NOX4: variants seen among roughly 807,000 people sequenced by gnomAD.
NOX4 encodes kidney oxidase-1.
NOX4 carries 69 observed loss-of-function variants against 87.6 expected under a neutral mutation model. That is an observed-to-expected ratio of 0.79 (90% CI 0.65 to 0.96). The LOEUF (loss-of-function observed/expected upper bound fraction) is 0.96. Ranked by LOEUF, NOX4 falls within the 40% of genes least tolerant of loss-of-function variation. The pLI is 0.00. For synonymous variants in NOX4, 275 were observed against 238.2 expected (o/e 1.15, Z -1.42); for missense variants, 680 against 681.5 (o/e 1.00, Z 0.02).
At chr11:89,505,412 A>T in the NOX4 span, among the ~76,000 whole-genome samples, 1 of 151,872 alleles carries the variant, frequency 6.6e-6, no homozygotes, top group African/African-American at 2.4e-5. Flanking sequence ...TGCAAAAGTT[A>T]TTGCAGTTTT....
intron 2 of NOX4, among the ~76,000 whole-genome samples, chr11:89,472,680 C>A (rs1281600146): frequency 1.3e-5 from 2 of 152,100 alleles, no homozygotes; most frequent in Admixed American, 6.6e-5. Context: ...ATATTTTTGT[C>A]CCAATTTTGT....
intron 11 of NOX4, among the ~76,000 whole-genome samples, chr11:89,388,959 C>A (rs1257620786): frequency 6.6e-6 from 1 of 152,236 alleles, no homozygotes; most frequent in East Asian, 1.9e-4. Context: ...TCATTAACTG[C>A]ACTTTTATAA....
In NOX4 at chr11:89,365,768, A is replaced by C. The variant is rs557290671; in HGVS notation, c.1135+7664T>G. Among the ~76,000 whole-genome samples, 484 of 151,352 alleles carry C rather than the reference A, an allele frequency of 3.2e-3. 14 individuals are homozygous for C. The highest frequency in any genetic ancestry group is 0.021 in the Admixed American group (323 of 15,118). ...ACCACGCCCACAAAAAAAAAAAAAA[A>C]AAAAAAAACAGGAGATTTTCTTTTA... is the stretch of plus-strand genomic sequence containing the variant. On this transcript the variant is annotated intron_variant, in intron 12 of 17. Coordinates refer to ENST00000263317, the MANE Select transcript of NOX4 (RefSeq NM_016931.5).
At chr11:89,516,457 T>G in the NOX4 span, among the ~76,000 whole-genome samples, 1 of 152,090 alleles carries the variant, frequency 6.6e-6, no homozygotes, top group African/African-American at 2.4e-5. Context: ...CTCTCTAAAT[T>G]TCAGCTGCTC....
intron 4 of NOX4, among the ~76,000 whole-genome samples, chr11:89,448,105 C>A (rs1211579335): frequency 2.0e-5 from 3 of 152,166 alleles, no homozygotes; most frequent in African/African-American, 7.2e-5. Flanking sequence ...ATAATTAACC[C>A]TTGCAACTGT....
chr11:89,526,456 A>G, the NOX4 span, among the ~76,000 whole-genome samples: 1 of 152,174 alleles, frequency 6.6e-6, no homozygotes, highest in African/African-American at 2.4e-5. Flanking sequence ...TTCAAGTCTT[A>G]TATAAGGAAT....
In NOX4 at chr11:89,400,321, T is replaced by C. The variant is rs2135178840; in HGVS notation, c.905A>G (p.Tyr302Cys). Residue 302 changes from tyrosine (Y) to cysteine (C), a missense_variant, in exon 10 of 18, where the codon TAT becomes TGT. Tyr to Cys is a radical substitution (Grantham distance 194, BLOSUM62 -2). Coordinates refer to ENST00000263317, the MANE Select transcript of NOX4 (RefSeq NM_016931.5). ...CLYCAERLYR[Y>C]IRSNKPVTII... The stretch of plus-strand genomic sequence containing the variant: ...GGTGACTGGCTTATTGCTCCGGATA[T>C]ACCTGTAAAGTCTTTCGGCACAGTA... The C allele has an allele frequency of 6.2e-7, 1 of 1,612,910 alleles. No individual in the cohort carries two copies. Among genetic ancestry groups the C allele is most frequent in the Non-Finnish European group, 8.5e-7 (1 of 1,179,298 alleles).
At chr11:89,377,701 C>A (rs183980632) in intron 11 of NOX4, among the ~76,000 whole-genome samples, 1 of 151,880 alleles carries the variant, frequency 6.6e-6, no homozygotes, top group Non-Finnish European at 1.5e-5. Context: ...TGTAAAGAAG[C>A]GCCTTTTAAT....
At chr11:89,422,018 T>C in intron 7 of NOX4, 36 bp from the exon 8 acceptor site, 2 of 1,088,100 alleles carry the variant, frequency 1.8e-6, no homozygotes, top group Non-Finnish European at 1.3e-6. Context: ...AATGCTACTT[T>C]ACATTCCATC....
the NOX4 span, among the ~76,000 whole-genome samples, chr11:89,588,396 T>G: frequency 3.0e-4 from 45 of 152,308 alleles, no homozygotes; most frequent in East Asian, 8.7e-3. Context: ...CCAGAAATCA[T>G]GCACTTTAGA....
At position 89,391,970 on chromosome 11, in the gene NOX4, C is replaced by T. The variant is rs147236829; in HGVS notation, c.1074+8047G>A. On this transcript the variant is annotated intron_variant, in intron 11 of 17. Coordinates refer to ENST00000263317, the MANE Select transcript of NOX4 (RefSeq NM_016931.5). ...CCCCTTCTCCTTCCTTCCTTCCTTC[C>T]TTCCTTCTTTCCTTCCTTCCTTCCT... Among the ~76,000 whole-genome samples, 1,236 of 149,092 alleles carry T rather than the reference C, an allele frequency of 8.3e-3. 18 individuals are homozygous for T. The highest frequency in any genetic ancestry group is 0.029 in the African/African-American group (1,164 of 40,322).
At chr11:89,539,289 A>T in the NOX4 span, among the ~76,000 whole-genome samples, 3 of 151,960 alleles carry the variant, frequency 2.0e-5, no homozygotes, top group Non-Finnish European at 4.4e-5. Flanking sequence ...AAAATTATCC[A>T]GGCGTGGTGG....
At chr11:89,475,282 TAATA>T (rs1313123375) in intron 2 of NOX4, among the ~76,000 whole-genome samples, 3 of 151,952 alleles carry the variant, frequency 2.0e-5, no homozygotes, top group Non-Finnish European at 2.9e-5. Context: ...CTATTTTCTA[TAATA>T]AATAGGAAAA....
chr11:89,360,420 A>G (rs1358155641), intron 12 of NOX4, among the ~76,000 whole-genome samples: 1 of 152,124 alleles, frequency 6.6e-6, no homozygotes, highest in Admixed American at 6.6e-5. Context: ...TCACTTCACA[A>G]TGCATATGTA....
chr11:89,490,098 G>A (rs1946792077), intron 2 of NOX4, among the ~76,000 whole-genome samples: 1 of 152,144 alleles, frequency 6.6e-6, no homozygotes, highest in Admixed American at 6.5e-5. Context: ...CAGGCTAAAA[G>A]CACTGATAAG....
intron 11 of NOX4, among the ~76,000 whole-genome samples, chr11:89,396,468 C>T (rs1012709002): frequency 6.6e-6 from 1 of 152,000 alleles, no homozygotes; most frequent in African/African-American, 2.4e-5. Flanking sequence ...AATTTGACTT[C>T]CTCTTTTCCT....
intron 11 of NOX4, among the ~76,000 whole-genome samples, chr11:89,383,945 C>T (rs1940494030): frequency 6.6e-6 from 1 of 152,124 alleles, no homozygotes; most frequent in African/African-American, 2.4e-5. Flanking sequence ...AAAACCTAAT[C>T]ACCTTTAACC....
the NOX4 span, among the ~76,000 whole-genome samples, chr11:89,520,990 GA>G: frequency 1.3e-5 from 2 of 152,064 alleles, no homozygotes; most frequent in Non-Finnish European, 2.9e-5. Flanking sequence ...GTAAGGAAGT[GA>G]AAGATCACTA....
chr11:89,394,540 A>G (rs781522247), intron 11 of NOX4, among the ~76,000 whole-genome samples: 5 of 152,130 alleles, frequency 3.3e-5, no homozygotes, highest in Admixed American at 1.3e-4. Flanking sequence ...TCTAGGGTAC[A>G]CGTGCACAAC....
Sources: gnomAD v4.1 joint callset for allele counts (sites outside exome capture counted in the v4.1 genomes callset) on GRCh38, gnomAD v4.1.1 for gene constraint, MANE v1.5 for transcripts, NCBI Gene and HGNC (gene_info 2026-07-23, HGNC 2026-07-21) for gene names.